Variants in MACROD2 observed in about 807,000 individuals in gnomAD.
MACROD2 encodes mono-ADP ribosylhydrolase 2, also known as ADP-ribose glycohydrolase MACROD2.
A neutral mutation model predicts 70.4 loss-of-function variants in MACROD2; 36 were observed. The observed-to-expected ratio is 0.51, with a 90% CI of 0.39 to 0.68. The LOEUF (loss-of-function observed/expected upper bound fraction) is 0.68, where lower values mean the gene tolerates loss of function less well. Ranked by LOEUF, MACROD2 falls within the 30% of genes least tolerant of loss-of-function variation. The pLI is 0.00. For missense variants in MACROD2, 496 were observed against 538.4 expected, an observed-to-expected ratio of 0.92 and a Z score of 0.78; for synonymous variants, 172 against 178.8, an observed-to-expected ratio of 0.96 and a Z score of 0.30.
At chr20:14,364,960 G>A (rs1342361316) in intron 3 of MACROD2, among the ~76,000 whole-genome samples, 1 of 152,114 alleles carries the variant, frequency 6.6e-6, no homozygotes, top group Non-Finnish European at 1.5e-5. Context: ...TCTGGCTTTG[G>A]TTCAGAGTAA....
intron 8 of MACROD2, among the ~76,000 whole-genome samples, chr20:15,709,327 T>C (rs944517387): frequency 4.6e-5 from 7 of 152,182 alleles, no homozygotes; most frequent in African/African-American, 1.7e-4. Flanking sequence ...TTTTTAAATG[T>C]TTTTTAATAT....
chr20:15,807,418 C>T (rs886211002), intron 8 of MACROD2, among the ~76,000 whole-genome samples: 1 of 152,142 alleles, frequency 6.6e-6, no homozygotes, highest in South Asian at 2.1e-4. Flanking sequence ...ATTTTGTCAC[C>T]TTCTTCCTAC....
chr20:16,045,960 G>T (rs1681999257), intron 17 of MACROD2, among the ~76,000 whole-genome samples: 2 of 150,000 alleles, frequency 1.3e-5, no homozygotes, highest in African/African-American at 2.4e-5. Context: ...TGTTATAACT[G>T]TTCCAAGTTC....
At chr20:15,250,747 T>G (rs1056587681) in intron 6 of MACROD2, among the ~76,000 whole-genome samples, 3 of 152,194 alleles carry the variant, frequency 2.0e-5, no homozygotes, top group Non-Finnish European at 4.4e-5. Flanking sequence ...TGTCTTCTCT[T>G]CCTTGGGAAA....
intron 2 of MACROD2, among the ~76,000 whole-genome samples, chr20:14,032,479 A>G (rs1186530910): frequency 6.6e-6 from 1 of 152,140 alleles, no homozygotes; most frequent in Non-Finnish European, 1.5e-5. Context: ...ATAATCCCTG[A>G]AATATTTGCC....
intron 4 of MACROD2, among the ~76,000 whole-genome samples, chr20:14,640,075 G>T (rs996518666): frequency 6.6e-6 from 1 of 152,012 alleles, no homozygotes; most frequent in Non-Finnish European, 1.5e-5. Context: ...TATTTTACAG[G>T]CATACGATAA....
chr20:15,755,344 A>G (rs1414009003), intron 8 of MACROD2, among the ~76,000 whole-genome samples: 1 of 152,208 alleles, frequency 6.6e-6, no homozygotes, highest in Non-Finnish European at 1.5e-5. Context: ...GCTTTAAACT[A>G]GAACAACCTC....
intron 5 of MACROD2, among the ~76,000 whole-genome samples, chr20:15,057,911 T>C (rs2075499743): frequency 6.6e-6 from 1 of 152,190 alleles, no homozygotes; most frequent in Non-Finnish European, 1.5e-5. Context: ...TCCCTGCCCC[T>C]AAATGAAAAC....
chr20:16,025,654 G>A (rs375554049), intron 15 of MACROD2, among the ~76,000 whole-genome samples: 10 of 151,500 alleles, frequency 6.6e-5, no homozygotes, highest in African/African-American at 2.2e-4. Context: ...CAACTGCTGT[G>A]GATTGACCTC....
intron 5 of MACROD2, among the ~76,000 whole-genome samples, chr20:15,017,316 C>T (rs2075129305): frequency 6.6e-6 from 1 of 152,210 alleles, no homozygotes; most frequent in South Asian, 2.1e-4. Flanking sequence ...AAAATGATCT[C>T]TTTTAACTCC....
chr20:15,214,004 C>G (rs1444814581), intron 5 of MACROD2, among the ~76,000 whole-genome samples: 1 of 152,048 alleles, frequency 6.6e-6, no homozygotes, highest in Non-Finnish European at 1.5e-5. Flanking sequence ...CTTGTCCTCC[C>G]AAAGTTCCGG....
chr20:14,569,059 A>G (rs1469333129), intron 4 of MACROD2, among the ~76,000 whole-genome samples: 1 of 152,044 alleles, frequency 6.6e-6, no homozygotes, highest in Admixed American at 6.6e-5. Flanking sequence ...TTTGCTTCAA[A>G]AAAACAAAAA....
chr20:15,657,989 A>G (rs1427550326), intron 8 of MACROD2, among the ~76,000 whole-genome samples: 2 of 152,138 alleles, frequency 1.3e-5, no homozygotes, highest in Admixed American at 1.3e-4. Flanking sequence ...GCTAAACTCC[A>G]TTTCAAAAAA....
At chr20:15,061,899 A>G (rs2075535610) in intron 5 of MACROD2, among the ~76,000 whole-genome samples, 1 of 152,146 alleles carries the variant, frequency 6.6e-6, no homozygotes, top group African/African-American at 2.4e-5. Flanking sequence ...AGGGACTTCA[A>G]CAAGACTCTT....
At chr20:14,109,272 T>G (rs929481100) in intron 3 of MACROD2, among the ~76,000 whole-genome samples, 10 of 151,808 alleles carry the variant, frequency 6.6e-5, no homozygotes, top group African/African-American at 1.9e-4. Context: ...AAAGGGAAAT[T>G]TATAGCTAAA....
At chr20:14,860,642 G>A (rs1909463315) in intron 5 of MACROD2, among the ~76,000 whole-genome samples, 1 of 152,122 alleles carries the variant, frequency 6.6e-6, no homozygotes, top group Admixed American at 6.5e-5. Context: ...TCCTCTGAAA[G>A]CAGCAGGACA....
intron 3 of MACROD2, among the ~76,000 whole-genome samples, chr20:14,118,809 G>A (rs1418188761): frequency 6.7e-6 from 1 of 150,352 alleles, no homozygotes; most frequent in Non-Finnish European, 1.5e-5. Context: ...GAACTAAAAA[G>A]CATGGTTATA....
intron 3 of MACROD2, among the ~76,000 whole-genome samples, chr20:14,091,431 G>T (rs1265292653): frequency 6.6e-6 from 1 of 152,064 alleles, no homozygotes; most frequent in Non-Finnish European, 1.5e-5. Flanking sequence ...CAGGGTGACT[G>T]TAATAAATAA....
At chr20:14,789,460 A>AT (rs3045609) in intron 5 of MACROD2, among the ~76,000 whole-genome samples, 2,199 of 48,014 alleles carry the variant, frequency 0.046, 390 homozygotes, top group East Asian at 0.082. Flanking sequence ...GGTAGTGCAA[A>AT]TTTTTTTTTT....
Sources: gnomAD v4.1 joint callset for allele counts (sites outside exome capture counted in the v4.1 genomes callset) on GRCh38, gnomAD v4.1.1 for gene constraint, MANE v1.5 for transcripts, NCBI Gene and HGNC (gene_info 2026-07-23, HGNC 2026-07-21) for gene names.